FHOD3: variants seen among roughly 807,000 people sequenced by gnomAD.
The protein encoded by FHOD3 is FH1/FH2 domain-containing protein 3.
FHOD3 carries 90 observed loss-of-function variants against 173.0 expected under a neutral mutation model. That is an observed-to-expected ratio of 0.52 (90% confidence interval 0.44 to 0.62). The LOEUF (loss-of-function observed/expected upper bound fraction) is 0.62. Ranked by LOEUF, FHOD3 falls within the 20% of genes least tolerant of loss-of-function variation. FHOD3 has a pLI of 0.00. For missense variants in FHOD3, 1,945 were observed against 2,034.7 expected (o/e 0.96, Z 0.85); for synonymous variants, 828 against 823.0 (o/e 1.01, Z -0.10).
chr18:36,539,189 CTT>C (rs1413486800), intron 5 of FHOD3, among the ~76,000 whole-genome samples: 1 of 152,154 alleles, frequency 6.6e-6, no homozygotes, highest in Non-Finnish European at 1.5e-5. Context: ...ATATCATAGT[CTT>C]TGTGTTTTTT....
intron 2 of FHOD3, among the ~76,000 whole-genome samples, chr18:36,369,888 G>A (rs1233417743): frequency 6.6e-6 from 1 of 152,164 alleles, no homozygotes; most frequent in Admixed American, 6.5e-5. Context: ...GAAAGGCAGG[G>A]TGGTGCAGGT....
intron 5 of FHOD3, among the ~76,000 whole-genome samples, chr18:36,551,497 A>T (rs1338332411): frequency 2.0e-5 from 3 of 151,854 alleles, no homozygotes; most frequent in African/African-American, 7.3e-5. Context: ...TAATTAATTG[A>T]TTTAATTAGA....
chr18:36,544,880 C>A (rs903738), intron 5 of FHOD3, among the ~76,000 whole-genome samples: 1 of 151,976 alleles, frequency 6.6e-6, no homozygotes, highest in Non-Finnish European at 1.5e-5. Flanking sequence ...ATTAACTTTT[C>A]AAAAATTAGA....
intron 10 of FHOD3, among the ~76,000 whole-genome samples, chr18:36,647,076 A>C (rs2035738327): frequency 6.6e-6 from 1 of 152,128 alleles, no homozygotes; most frequent in Admixed American, 6.5e-5. Flanking sequence ...GTCTCTACTA[A>C]ATAATAATAC....
intron 5 of FHOD3, among the ~76,000 whole-genome samples, chr18:36,533,057 A>G (rs12458212): frequency 0.54 from 82,403 of 152,046 alleles, 22,574 homozygotes; most frequent in East Asian, 0.62. Flanking sequence ...CCCTCTGCAC[A>G]ATATTATGCT....
At chr18:36,573,291 C>G (rs192890387) in intron 5 of FHOD3, among the ~76,000 whole-genome samples, 1 of 151,684 alleles carries the variant, frequency 6.6e-6, no homozygotes, top group African/African-American at 2.4e-5. Context: ...ATTTCCTTTT[C>G]TTCTTTGTAT....
In FHOD3 at chr18:36,718,362, C is replaced by T; in HGVS notation, c.3064C>T (p.Pro1022Ser). 6.3e-7 allele frequency: 1 copy of T among 1,593,230 alleles called. No homozygotes were observed. The highest frequency in any genetic ancestry group is 8.5e-7 in the Non-Finnish European group (1 of 1,169,600). Residue 1022 changes from proline (P) to serine (S), a missense_variant, in exon 19 of 29, where the codon CCT becomes TCT. Pro to Ser is a moderately conservative substitution (Grantham distance 74). Coordinates refer to ENST00000590592, the MANE Select transcript of FHOD3 (RefSeq NM_001281740.3). ...DLGHREAPGP[P>S]PPPPPTFLGL... is the part of the protein sequence containing the mutation. The stretch of plus-strand genomic sequence containing the variant: ...GGGTCACAGGGAGGCCCCTGGGCCA[C>T]CTCCCCCACCCCCACCCACCTTTCT...
chr18:36,318,320 A>G (rs1390495080), intron 1 of FHOD3, among the ~76,000 whole-genome samples: 1 of 152,206 alleles, frequency 6.6e-6, no homozygotes, highest in Non-Finnish European at 1.5e-5. Flanking sequence ...TTTGGGCAGT[A>G]CAACCATTTT....
At chr18:36,558,832 A>G (rs1193141270) in intron 5 of FHOD3, among the ~76,000 whole-genome samples, 3 of 152,252 alleles carry the variant, frequency 2.0e-5, no homozygotes, top group Non-Finnish European at 2.9e-5. Context: ...TTATAAAAGT[A>G]TACACATTCT....
intron 5 of FHOD3, among the ~76,000 whole-genome samples, chr18:36,576,232 T>C (rs562428238): frequency 1.8e-4 from 28 of 152,216 alleles, no homozygotes; most frequent in Non-Finnish European, 3.5e-4. Context: ...CTTAATTGCA[T>C]CTTCCGGGAG....
chr18:36,634,760 T>C (rs778361136), intron 10 of FHOD3, among the ~76,000 whole-genome samples: 2 of 152,192 alleles, frequency 1.3e-5, no homozygotes, highest in South Asian at 2.1e-4. Flanking sequence ...AACACAAATA[T>C]GTGCTTTGCC....
chr18:36,298,376 C>T (rs979146125), intron 1 of FHOD3, among the ~76,000 whole-genome samples: 1 of 152,138 alleles, frequency 6.6e-6, no homozygotes, highest in Non-Finnish European at 1.5e-5. Context: ...CCAAGCGGGG[C>T]GCGGGAAGAA....
chr18:36,303,377 C>T (rs1383661325), intron 1 of FHOD3, among the ~76,000 whole-genome samples: 2 of 152,146 alleles, frequency 1.3e-5, no homozygotes, highest in African/African-American at 4.8e-5. Context: ...GGGTTGACTG[C>T]ATTGCCTTTG....
At chr18:36,583,568 T>C (rs2058928179) in intron 6 of FHOD3, among the ~76,000 whole-genome samples, 2 of 152,226 alleles carry the variant, frequency 1.3e-5, no homozygotes, top group South Asian at 4.1e-4. Flanking sequence ...CTTCCTCCTT[T>C]AGGGTTGTTG....
At chr18:36,701,274 T>A (rs953994571) in intron 17 of FHOD3, among the ~76,000 whole-genome samples, 1 of 152,204 alleles carries the variant, frequency 6.6e-6, no homozygotes, top group Admixed American at 6.5e-5. Flanking sequence ...AAGGACTGAA[T>A]AAATGATGTT....
At chr18:36,733,006 G>A (rs1373628017) in intron 20 of FHOD3, among the ~76,000 whole-genome samples, 1 of 152,188 alleles carries the variant, frequency 6.6e-6, no homozygotes, top group African/African-American at 2.4e-5. Flanking sequence ...AAATGACAAA[G>A]GTCTTGAGTA....
chr18:36,671,213 C>A (rs1323700572), intron 14 of FHOD3, among the ~76,000 whole-genome samples: 1 of 152,252 alleles, frequency 6.6e-6, no homozygotes, highest in Non-Finnish European at 1.5e-5. Context: ...TCCCCATTGG[C>A]CTCTCTAGAC....
intron 3 of FHOD3, among the ~76,000 whole-genome samples, chr18:36,436,973 T>C (rs762923173): frequency 7.9e-5 from 12 of 152,372 alleles, no homozygotes; most frequent in Non-Finnish European, 1.5e-4. Flanking sequence ...AGACATATCT[T>C]AGCCCCTGCA....
At chr18:36,655,772 C>A (rs112859199) in intron 13 of FHOD3, among the ~76,000 whole-genome samples, 13 of 144,734 alleles carry the variant, frequency 9.0e-5, no homozygotes, top group South Asian at 2.1e-4. Flanking sequence ...CACACACACA[C>A]AAAAATGCTG....
Sources: allele counts gnomAD v4.1 joint callset (sites outside exome capture counted in the v4.1 genomes callset), GRCh38; gene constraint gnomAD v4.1.1; transcripts MANE v1.5; gene names NCBI Gene and HGNC (gene_info 2026-07-23, HGNC 2026-07-21).